The following NRCAM variants were observed in gnomAD, a reference collection of about 807,000 sequenced individuals.
NRCAM encodes neuronal cell adhesion molecule, also known as NgCAM-related cell adhesion molecule.
NRCAM carries 83 observed loss-of-function variants against 156.5 expected under a neutral mutation model. That is an observed-to-expected ratio of 0.53 (90% CI 0.44 to 0.64). NRCAM has a LOEUF of 0.64. NRCAM is among the 30% of genes least tolerant of loss of function. The pLI is 0.00. For synonymous variants in NRCAM, 538 were observed against 563.9 expected (o/e 0.95, Z 0.65); for missense variants, 1,417 against 1,597.3 (o/e 0.89, Z 1.92).
intron 2 of NRCAM, among the ~76,000 whole-genome samples, chr7:108,339,266 G>A (rs996754724): frequency 6.6e-6 from 1 of 152,126 alleles, no homozygotes; most frequent in Admixed American, 6.5e-5. Context: ...AATCACAATG[G>A]GTATTCAGTA....
At chr7:108,358,043 C>A (rs2099518942) in intron 2 of NRCAM, among the ~76,000 whole-genome samples, 1 of 152,082 alleles carries the variant, frequency 6.6e-6, no homozygotes, top group African/African-American at 2.4e-5. Context: ...TCTTCATAAG[C>A]CAAAGCTAAA....
intron 28 of NRCAM, among the ~76,000 whole-genome samples, chr7:108,171,553 A>T (rs2058431029): frequency 6.6e-6 from 1 of 152,100 alleles, no homozygotes; most frequent in Non-Finnish European, 1.5e-5. Flanking sequence ...ATCTGACAAA[A>T]ATAAAACAAA....
chr7:108,362,819 C>T (rs995692172), intron 2 of NRCAM, among the ~76,000 whole-genome samples: 3 of 152,024 alleles, frequency 2.0e-5, no homozygotes, highest in African/African-American at 2.4e-5. Context: ...CATGCATTTC[C>T]GTATTTCCTA....
At chr7:108,329,140 G>T (rs746274512) in intron 2 of NRCAM, among the ~76,000 whole-genome samples, 3 of 151,732 alleles carry the variant, frequency 2.0e-5, no homozygotes, top group Non-Finnish European at 4.4e-5. Context: ...TTCCTCTCTT[G>T]GGCTTCTCTA....
chr7:108,379,331 A>T (rs1400332358), intron 2 of NRCAM, among the ~76,000 whole-genome samples: 1 of 152,210 alleles, frequency 6.6e-6, no homozygotes, highest in Non-Finnish European at 1.5e-5. Flanking sequence ...ATTCTGGTGC[A>T]TGCTACAACA....
chr7:108,324,272 G>A (rs1279548387), intron 2 of NRCAM, among the ~76,000 whole-genome samples: 1 of 152,106 alleles, frequency 6.6e-6, no homozygotes, highest in African/African-American at 2.4e-5. Flanking sequence ...TGATCCTGGG[G>A]GTGCCACATG....
At chr7:108,277,567 C>T (rs2097686253) in intron 3 of NRCAM, among the ~76,000 whole-genome samples, 1 of 151,976 alleles carries the variant, frequency 6.6e-6, no homozygotes, top group African/African-American at 2.4e-5. Flanking sequence ...AGTTCTTGTA[C>T]TGTGGTTTTC....
At chr7:108,220,956 A>G (rs1287243015) in intron 11 of NRCAM, among the ~76,000 whole-genome samples, 3 of 152,212 alleles carry the variant, frequency 2.0e-5, no homozygotes, top group Middle Eastern at 3.2e-3. Context: ...ACATCTGACA[A>G]AGGACTAATA....
chr7:108,434,769 C>G (rs1396438502), intron 1 of NRCAM, among the ~76,000 whole-genome samples: 1 of 152,012 alleles, frequency 6.6e-6, no homozygotes, highest in Non-Finnish European at 1.5e-5. Flanking sequence ...CAGGGGCAAA[C>G]CTTAAGAAAC....
At chr7:108,317,303 G>C (rs2098938580) in intron 2 of NRCAM, among the ~76,000 whole-genome samples, 1 of 152,254 alleles carries the variant, frequency 6.6e-6, no homozygotes, top group Non-Finnish European at 1.5e-5. Context: ...TGTTCTCACT[G>C]GTCCTTTTTC....
intron 3 of NRCAM, among the ~76,000 whole-genome samples, chr7:108,284,362 T>C (rs2097990158): frequency 6.6e-6 from 1 of 152,216 alleles, no homozygotes; most frequent in East Asian, 1.9e-4. Context: ...TTTATTTAGG[T>C]GTTGCAGGCC....
At chr7:108,168,023 T>C (rs772621588) in intron 29 of NRCAM, among the ~76,000 whole-genome samples, 1 of 152,230 alleles carries the variant, frequency 6.6e-6, no homozygotes, top group Non-Finnish European at 1.5e-5. Context: ...TAGTTTCAAG[T>C]ACTATGATAT....
At chr7:108,303,254 G>T (rs371398925) in intron 3 of NRCAM, among the ~76,000 whole-genome samples, 7 of 152,292 alleles carry the variant, frequency 4.6e-5, no homozygotes, top group African/African-American at 1.7e-4. Context: ...GAGCCACTGT[G>T]GCTGGCTGTT....
chr7:108,202,546 G>A (rs1036550817), intron 13 of NRCAM, among the ~76,000 whole-genome samples: 29 of 152,268 alleles, frequency 1.9e-4, no homozygotes, highest in Non-Finnish European at 3.7e-4. Flanking sequence ...GAACATTTGG[G>A]CATAATGTAG....
intron 1 of NRCAM, among the ~76,000 whole-genome samples, chr7:108,443,510 C>G (rs1268290846): frequency 6.6e-6 from 1 of 152,202 alleles, no homozygotes; most frequent in African/African-American, 2.4e-5. Flanking sequence ...CTGAAGTTGT[C>G]TAAGAGATAG....
In NRCAM at chr7:108,264,609, G is replaced by A. The variant is rs755395825; in HGVS notation, c.-106-24439C>T. ...ATATTTATCTTAACTGGCATCAATCGTTTATACAATACCTATCTTTATTAG... is the reference window on the plus strand; with the variant it reads ...ATATTTATCTTAACTGGCATCAATCATTTATACAATACCTATCTTTATTAG... On this transcript the variant is annotated intron_variant, in intron 3 of 32. Transcript: ENST00000379028. 2.6e-5 allele frequency among the ~76,000 whole-genome samples: 4 copies of A among 152,252 alleles called. No individual in the cohort carries two copies. The South Asian group carries it at 8.3e-4, about 32-fold the overall frequency.
At chr7:108,450,711 T>C (rs1191846544) in intron 1 of NRCAM, among the ~76,000 whole-genome samples, 1 of 152,162 alleles carries the variant, frequency 6.6e-6, no homozygotes, top group Non-Finnish European at 1.5e-5. Flanking sequence ...TTTAGAAAAA[T>C]ACCATGAATG....
chr7:108,273,456 G>C (rs2154058826), intron 3 of NRCAM, among the ~76,000 whole-genome samples: 1 of 152,242 alleles, frequency 6.6e-6, no homozygotes, highest in Admixed American at 6.5e-5. Flanking sequence ...GGTGTGAGAT[G>C]GTATCTCATT....
chr7:108,267,686 A>G (rs537426657), intron 3 of NRCAM, among the ~76,000 whole-genome samples: 1 of 152,358 alleles, frequency 6.6e-6, no homozygotes, highest in Admixed American at 6.5e-5. Context: ...AAGGAAAGAT[A>G]AGTTTACATA....
Sources: gnomAD v4.1 joint callset for allele counts (sites outside exome capture counted in the v4.1 genomes callset) on GRCh38, gnomAD v4.1.1 for gene constraint, MANE v1.5 for transcripts, NCBI Gene and HGNC (gene_info 2026-07-23, HGNC 2026-07-21) for gene names.